Variants in HOOK2 observed in about 807,000 individuals in gnomAD.
The protein encoded by HOOK2 is protein Hook homolog 2.
A neutral mutation model predicts 111.9 loss-of-function variants in HOOK2; 108 were observed. The ratio of observed to expected loss-of-function variants is 0.96; its 90% confidence interval spans 0.83 to 1.13. HOOK2 has a LOEUF of 1.13. HOOK2 is among the 50% of genes most tolerant of loss of function. The pLI, the probability that HOOK2 is intolerant of heterozygous loss-of-function variation, is 0.00. For synonymous variants in HOOK2, 405 were observed against 394.3 expected (o/e 1.03, Z -0.32); for missense variants, 978 against 951.3 (o/e 1.03, Z -0.37).
At position 12,770,979 on chromosome 19, in the gene HOOK2, G is replaced by C; in HGVS notation, c.855C>G (p.Ser285Arg). The change falls in exon 10 of 23, where the codon AGC becomes AGG. Residue 285 changes from serine to arginine, a missense_variant. Transcript: ENST00000397668. The stretch of plus-strand genomic sequence containing the variant: ...TCAGGGCCTGTGCCTCCTGGGCCAG[G>C]CTAGTCAGCGCCTGGTTCCGGTGCT... ...ELQHRNQALT[S>R]LAQEAQALKD... 6.2e-7 allele frequency: 1 copy of C among 1,611,512 alleles called. No individual in the cohort carries two copies. The highest frequency in any genetic ancestry group is 1.3e-5 in the African/African-American group (1 of 74,958).
At chr19:12,787,788 G>T (rs992363979) in intron 3 of HOOK2, among the ~76,000 whole-genome samples, 1 of 152,010 alleles carries the variant, frequency 6.6e-6, no homozygotes, top group Non-Finnish European at 1.5e-5. Flanking sequence ...CGGGCATGGT[G>T]GCCCACGCCT....
intron 3 of HOOK2, chr19:12,784,932 G>A (rs1288268627): frequency 6.6e-6 from 1 of 152,286 alleles, no homozygotes; most frequent in East Asian, 1.9e-4. Flanking sequence ...GATGCTCCCA[G>A]GGACACCAAG....
Position 12,763,108 on chromosome 19 carries a change from G to T in HOOK2, c.*174C>A, listed in dbSNP as rs577375905. 5.5e-5 allele frequency: 35 copies of T among 635,094 alleles called. No homozygotes were observed. The highest frequency in any genetic ancestry group is 7.7e-5 in the Non-Finnish European group (29 of 375,626). 39.3% of individuals were successfully genotyped at this position (635,094 alleles called of 1,614,324 possible). On this transcript the variant is annotated 3_prime_UTR_variant, in exon 23 of 23. Transcript: ENST00000397668. ...ACAACAAGAATCACATTGCTAAAAA[G>T]AACAGGCCTATATCTACCTCCCGCC...
rs144512497 is a variant in HOOK2, at chr19:12,791,970, A to G, written n.42-17745T>C. On this transcript the variant is annotated intron_variant and non_coding_transcript_variant, in intron 3 of 3. Transcript: ENST00000589765. The surrounding 1 kb of genome is among the most constrained non-coding windows in gnomAD (Gnocchi z 7.0). ...CGGCCCAGAGGGCGGCGGTGGCGGC[A>G]GCTACTTTTCTGGTCAGGGCTCGGA... is the stretch of plus-strand genomic sequence containing the variant. 1.4e-4 allele frequency: 229 copies of G among 1,611,320 alleles called. 2 individuals carry two copies. The African/African-American group carries it at 2.8e-3, about 20-fold the overall frequency.
In HOOK2 at chr19:12,765,012, G is replaced by A. The variant is rs1159675025; in HGVS notation, c.1710C>T (p.Pro570=). The A allele has an allele frequency of 2.5e-6, 4 of 1,614,002 alleles. No homozygotes were observed. Among genetic ancestry groups the A allele is most frequent in the Non-Finnish European group, 3.4e-6 (4 of 1,179,986 alleles). The change falls in exon 19 of 23, where the codon CCC becomes CCT. Residue 570 remains proline (P), a synonymous_variant. Transcript: ENST00000397668. ...GGTCCTACTTACTGCTGCTGTCAGT[G>A]GGTGGCTCCAGCTCCTCAATGTACT... is the stretch of plus-strand genomic sequence containing the variant. ...KREYIEELEP[P]TDSSTARRIE...
chr19:12,783,539 C>T (rs1968628074), intron 3 of HOOK2, among the ~76,000 whole-genome samples: 1 of 151,732 alleles, frequency 6.6e-6, no homozygotes, highest in Non-Finnish European at 1.5e-5. Flanking sequence ...TGGGTGCATA[C>T]TCCACCCCAC....
At chr19:12,780,098 C>T (rs542066118), upstream of HOOK2, among the ~76,000 whole-genome samples, 1 of 151,994 alleles carries the variant, frequency 6.6e-6, no homozygotes, top group Non-Finnish European at 1.5e-5. Context: ...TGCAGTGAGC[C>T]GAGAACGCGC....
intron 3 of HOOK2, among the ~76,000 whole-genome samples, chr19:12,785,906 T>G (rs1968651091): frequency 6.6e-6 from 1 of 152,144 alleles, no homozygotes. Flanking sequence ...CTCAGCAGCC[T>G]CTGCTCCTGC....
At chr19:12,775,092 C>A (rs756147690) in intron 1 of HOOK2, 195 bp from the exon 2 acceptor site, 126 of 824,256 alleles carry the variant, frequency 1.5e-4, no homozygotes, top group Non-Finnish European at 1.8e-4. Context: ...CTCTGCCCAA[C>A]AAACCCTGCG....
intron 7 of HOOK2, chr19:12,771,967 G>C (rs1157696225): frequency 8.9e-6 from 5 of 558,934 alleles, no homozygotes; most frequent in Non-Finnish European, 1.3e-5. Flanking sequence ...CAGAACACTG[G>C]AGACCTGGTA....
intron 3 of HOOK2, chr19:12,785,182 G>GT: frequency 6.5e-6 from 1 of 152,830 alleles, no homozygotes; most frequent in African/African-American, 2.4e-5. Flanking sequence ...ACGGAGATCA[G>GT]TAACAGGCAA....
At chr19:12,766,272 G>A (rs1466954650) in intron 14 of HOOK2, 32 bp from the exon 15 acceptor site, 9 of 1,512,244 alleles carry the variant, frequency 6.0e-6, no homozygotes, top group Admixed American at 2.1e-5. Context: ...GCAGGGCCAG[G>A]GTCGAGTCAC....
At chr19:12,781,518 G>A (rs12980873), upstream of HOOK2, among the ~76,000 whole-genome samples, 13 of 151,650 alleles carry the variant, frequency 8.6e-5, no homozygotes, top group Admixed American at 2.0e-4. Context: ...AGTAGAGACG[G>A]GGTTTCAGTG....
chr19:12,782,135 C>A (rs930659125), upstream of HOOK2, among the ~76,000 whole-genome samples: 4 of 152,214 alleles, frequency 2.6e-5, no homozygotes, highest in African/African-American at 9.6e-5. Context: ...AGATTACAGG[C>A]CTGAGCCACT....
chr19:12,763,946 C>T (rs1022736637), intron 20 of HOOK2, among the ~76,000 whole-genome samples, 168 bp from the exon 21 acceptor site: 1 of 152,316 alleles, frequency 6.6e-6, no homozygotes, highest in Middle Eastern at 3.4e-3. Context: ...CCTGCCTTAG[C>T]CTCCCAAAGT....
upstream of HOOK2, among the ~76,000 whole-genome samples, chr19:12,776,068 G>A (rs952643720): frequency 1.3e-5 from 2 of 148,960 alleles, no homozygotes; most frequent in African/African-American, 2.5e-5. Context: ...TAGTAGAGAC[G>A]GGGTTTCACC....
Position 12,763,153 on chromosome 19 carries a change from G to C in HOOK2, c.*129C>G, listed in dbSNP as rs1599464321. 1 of 905,658 alleles carries C rather than the reference G, an allele frequency of 1.1e-6. No individual in the cohort carries two copies. The highest frequency in any genetic ancestry group is 2.6e-5 in the East Asian group (1 of 37,888). The allele number at this position is 905,658 out of a possible 1,614,324, so 56.1% of individuals were successfully genotyped here. A position where few individuals can be genotyped will look rare whatever the true frequency, so the allele number is the denominator to read the frequency against. On this transcript the variant is annotated 3_prime_UTR_variant, in exon 23 of 23. Coordinates refer to ENST00000397668, the MANE Select transcript of HOOK2 (RefSeq NM_013312.3). ...CCCGCCCTCCCTCCCCACCAATCTG[G>C]GAGAGGGAAGAGCAGAGATCATGGC...
chr19:12,772,133 C>T lies in HOOK2; in HGVS notation c.519+57G>A, dbSNP rs140904048. ...TCACAGCAAACTTATCCCCAACTCC[C>T]GGCCTTTGGATTTGCTGATCCCTGT... On this transcript the variant is annotated intron_variant, in intron 7 of 22. Coordinates refer to ENST00000397668, the MANE Select transcript of HOOK2 (RefSeq NM_013312.3). 16 of 1,324,610 alleles carry T rather than the reference C, an allele frequency of 1.2e-5. No homozygotes were observed. The East Asian group carries it at 3.0e-4, about 25-fold the overall frequency. The allele number at this position is 1,324,610 out of a possible 1,614,324, so 82.1% of individuals were successfully genotyped here.
chr19:12,782,850 C>A (rs1968619442), upstream of HOOK2, among the ~76,000 whole-genome samples: 1 of 151,594 alleles, frequency 6.6e-6, no homozygotes, highest in African/African-American at 2.4e-5. Flanking sequence ...GAGGGCAGTC[C>A]CTGTTGGGGG....
Sources: allele counts gnomAD v4.1 joint callset (sites outside exome capture counted in the v4.1 genomes callset), GRCh38; gene constraint gnomAD v4.1.1; non-coding constraint Gnocchi (gnomAD v3.1); transcripts MANE v1.5; gene names NCBI Gene and HGNC (gene_info 2026-07-23, HGNC 2026-07-21).